The following RDX variants were observed in gnomAD, a reference collection of about 807,000 sequenced individuals.
RDX encodes the protein deafness, autosomal recessive 24.
In RDX, 32 loss-of-function variants were observed where a neutral mutation model predicts 83.7. The observed-to-expected ratio is 0.38, with a 90% CI of 0.29 to 0.51. The LOEUF is 0.51. RDX is among the 20% of genes least tolerant of loss of function. RDX has a pLI of 0.87. For missense variants in RDX, 600 were observed against 689.9 expected (o/e 0.87, Z 1.46); for synonymous variants, 229 against 222.7 (o/e 1.03, Z -0.25).
chr11:110,235,095 A>G (rs1007290189), intron 12 of RDX, among the ~76,000 whole-genome samples: 1 of 152,134 alleles, frequency 6.6e-6, no homozygotes, highest in Non-Finnish European at 1.5e-5. Context: ...GCTTACACCT[A>G]CAATCCCAGC....
intron 7 of RDX, among the ~76,000 whole-genome samples, chr11:110,255,647 C>A (rs1859512967): frequency 6.6e-6 from 1 of 152,094 alleles, no homozygotes; most frequent in Non-Finnish European, 1.5e-5. Flanking sequence ...AAAAAAACTA[C>A]CTGGTGACCC....
intron 9 of RDX, 179 bp downstream of exon 9, chr11:110,253,767 T>C (rs948269116): frequency 3.4e-5 from 21 of 623,258 alleles, no homozygotes; most frequent in Non-Finnish European, 5.2e-5. Flanking sequence ...CAAAGATTTC[T>C]AACTTGAAAA....
intron 2 of RDX, among the ~76,000 whole-genome samples, chr11:110,276,883 G>T (rs900542254): frequency 6.6e-6 from 1 of 152,154 alleles, no homozygotes; most frequent in Non-Finnish European, 1.5e-5. Context: ...CACTTGTAGT[G>T]AATTAATTTA....
At chr11:110,257,379 C>G (rs1859588101) in intron 7 of RDX, among the ~76,000 whole-genome samples, 1 of 152,008 alleles carries the variant, frequency 6.6e-6, no homozygotes, top group Admixed American at 6.6e-5. Context: ...AATCCATTCT[C>G]TCATTGCTCC....
Position 110,264,629 on chromosome 11 carries a change from G to A in RDX, c.192+150C>T, listed in dbSNP as rs113687632. 6.6e-4 allele frequency: 376 copies of A among 566,044 alleles called. 2 individuals carry two copies. The African/African-American group carries it at 6.7e-3, about 10-fold the overall frequency. The allele number at this position is 566,044 out of a possible 1,614,324, so 35.1% of individuals were successfully genotyped here. A position where few individuals can be genotyped will look rare whatever the true frequency, so the allele number is the denominator to read the frequency against. On this transcript the variant is annotated intron_variant, in intron 4 of 13. Coordinates refer to ENST00000645495, the MANE Select transcript of RDX (RefSeq NM_002906.4). ...TTGAGATGATAAGCTGATGGTGCCTGATTGAATTTAAAAAAACATGGTACC... is the reference window on the plus strand; with the variant it reads ...TTGAGATGATAAGCTGATGGTGCCTAATTGAATTTAAAAAAACATGGTACC...
chr11:110,237,754 TAA>T (rs1159765194), intron 10 of RDX, 102 bp from the exon 11 acceptor site: 2 of 1,309,500 alleles, frequency 1.5e-6, no homozygotes, highest in South Asian at 2.4e-5. Context: ...GTTCAATTTC[TAA>T]AAGTTAGCAC....
At chr11:110,272,449 GC>G in intron 3 of RDX, 86 bp downstream of exon 3, 4 of 895,282 alleles carry the variant, frequency 4.5e-6, no homozygotes, top group Non-Finnish European at 3.7e-6. Context: ...TGGATTATCA[GC>G]AAAAGTACAG....
At chr11:110,282,116 A>G (rs1021223017) in intron 1 of RDX, among the ~76,000 whole-genome samples, 1 of 152,102 alleles carries the variant, frequency 6.6e-6, no homozygotes, top group Non-Finnish European at 1.5e-5. Flanking sequence ...AAAATGACCT[A>G]TAACCTATTG....
intron 14 of RDX, among the ~76,000 whole-genome samples, chr11:110,202,728 G>GT (rs200516333): frequency 1.2e-3 from 183 of 147,068 alleles, no homozygotes; most frequent in Non-Finnish European, 1.9e-3. Flanking sequence ...TCAGCCAACA[G>GT]TTTTTTTTTT....
chr11:110,294,251 C>T (rs937545311), intron 1 of RDX, among the ~76,000 whole-genome samples: 3 of 152,130 alleles, frequency 2.0e-5, no homozygotes, highest in African/African-American at 4.8e-5. Context: ...AAAAATTAGC[C>T]GGGCATGGTG....
At position 110,279,682 on chromosome 11, in the gene RDX, G is replaced by A; in HGVS notation, c.11C>T (p.Pro4Leu). The change falls in exon 2 of 14, where the codon CCA becomes CTA. Residue 4 changes from proline (P) to leucine (L), a missense_variant and splice_region_variant. By Grantham distance (98) the Pro-to-Leu change is moderately conservative. Transcript: ENST00000645495. ...TCAAATGTAATAAAATACACTTACT[G>A]GTTTCGGCATTTTCTTTCTCTTTTT... is the stretch of plus-strand genomic sequence containing the variant. MPK[P>L]INVRVTTMDA... The A allele has an allele frequency of 1.3e-6, 2 of 1,526,466 alleles. No individual in the cohort carries two copies. Among genetic ancestry groups the A allele is most frequent in the Non-Finnish European group, 9.1e-7 (1 of 1,102,900 alleles). The allele number at this position is 1,526,466 out of a possible 1,614,324, so 94.6% of individuals were successfully genotyped here.
intron 3 of RDX, among the ~76,000 whole-genome samples, chr11:110,267,198 C>A (rs908575025): frequency 6.6e-6 from 1 of 152,166 alleles, no homozygotes; most frequent in Non-Finnish European, 1.5e-5. Flanking sequence ...GCCATCGTGC[C>A]CAGCCTGTTT....
At chr11:110,221,040 G>A (rs941959078) in intron 14 of RDX, among the ~76,000 whole-genome samples, 9 of 152,102 alleles carry the variant, frequency 5.9e-5, no homozygotes, top group Non-Finnish European at 1.2e-4. Flanking sequence ...CAGGTGTCAG[G>A]ATCAGACCTC....
intron 15 of RDX, among the ~76,000 whole-genome samples, chr11:110,189,267 A>AAAAAAAAAAAAAAAC (rs1863057706): frequency 6.9e-6 from 1 of 145,796 alleles, no homozygotes; most frequent in African/African-American, 2.7e-5. Context: ...AAAAAAAAAA[A>AAAAAAAAAAAAAAAC]AGACAAGGGC....
chr11:110,196,892 C>A (rs1863226471), intron 15 of RDX, among the ~76,000 whole-genome samples: 2 of 152,158 alleles, frequency 1.3e-5, no homozygotes, highest in African/African-American at 4.8e-5. Context: ...TCAGTTCTAT[C>A]TTGTTCATGG....
chr11:110,224,186 A>AT (rs1864353959), intron 14 of RDX, among the ~76,000 whole-genome samples: 1 of 151,700 alleles, frequency 6.6e-6, no homozygotes, highest in African/African-American at 2.4e-5. Context: ...TGAAAGAGTT[A>AT]TTTTTCTAAC....
At chr11:110,259,011 A>G (rs568945358) in intron 5 of RDX, among the ~76,000 whole-genome samples, 2 of 151,590 alleles carry the variant, frequency 1.3e-5, no homozygotes, top group South Asian at 4.2e-4. Flanking sequence ...AGCTGGGATT[A>G]TAGGTGTGTG....
chr11:110,282,484 T>G (rs1468611283), intron 1 of RDX, among the ~76,000 whole-genome samples: 4 of 152,108 alleles, frequency 2.6e-5, no homozygotes, highest in African/African-American at 9.7e-5. Context: ...TTAACAAATA[T>G]GTATAATGAT....
Position 110,231,088 on chromosome 11 carries a change from C to G in RDX, c.*781G>C, listed in dbSNP as rs1038558330. The G allele has an allele frequency of 2.0e-5, 3 of 152,512 alleles. No homozygotes were observed. The highest frequency in any genetic ancestry group is 7.2e-5 in the African/African-American group (3 of 41,416). 9.4% of individuals were successfully genotyped at this position (152,512 alleles called of 1,614,324 possible). A position where few individuals can be genotyped will look rare whatever the true frequency, so the allele number is the denominator to read the frequency against. ...GCAGAGGCTGTTTCATCAGTAAACT[C>G]TCCTAGGGAGCTACTACTGCTGTCT... On this transcript the variant is annotated 3_prime_UTR_variant, in exon 14 of 14. Transcript: ENST00000645495.
Sources: allele counts gnomAD v4.1 joint callset (sites outside exome capture counted in the v4.1 genomes callset), GRCh38; gene constraint gnomAD v4.1.1; transcripts MANE v1.5; gene names NCBI Gene and HGNC (gene_info 2026-07-23, HGNC 2026-07-21).